YWHAH: variants seen among roughly 807,000 people sequenced by gnomAD.
The protein encoded by YWHAH is 14-3-3 protein eta.
Under a neutral mutation model 22.9 loss-of-function variants are expected in YWHAH, and 6 were observed. The ratio of observed to expected loss-of-function variants is 0.26; its 90% CI spans 0.14 to 0.52. The LOEUF (loss-of-function observed/expected upper bound fraction) is 0.52, where lower values mean the gene tolerates loss of function less well. YWHAH is among the 20% of genes least tolerant of loss of function. The pLI is 0.97. For missense variants in YWHAH, 173 were observed against 308.6 expected, an observed-to-expected ratio of 0.56 and a Z score of 3.29; for synonymous variants, 135 against 124.5, an observed-to-expected ratio of 1.08 and a Z score of -0.56.
intron 1 of YWHAH, 178 bp downstream of exon 1, chr22:31,944,998 C>G: frequency 8.9e-7 from 1 of 1,119,762 alleles, no homozygotes; most frequent in Non-Finnish European, 1.1e-6. Context: ...CCCGCCACTT[C>G]CTGAGGCTGG....
chr22:31,949,513 T>TGG (rs779453825), intron 1 of YWHAH, among the ~76,000 whole-genome samples: 1 of 148,726 alleles, frequency 6.7e-6, no homozygotes, highest in Non-Finnish European at 1.5e-5. Flanking sequence ...TTTTTTTTGG[T>TGG]GGGGGGGGGA....
chr22:31,946,664 G>T (rs748920124), intron 1 of YWHAH, among the ~76,000 whole-genome samples: 3 of 152,190 alleles, frequency 2.0e-5, no homozygotes, highest in Non-Finnish European at 4.4e-5. Context: ...GAAACCTGAG[G>T]CAACTTGAAA....
chr22:31,945,899 T>A (rs912526662), intron 1 of YWHAH, among the ~76,000 whole-genome samples: 2 of 152,210 alleles, frequency 1.3e-5, no homozygotes, highest in Non-Finnish European at 1.5e-5. Context: ...TGAGAATTAC[T>A]GCCCATGATT....
rs1261901247 is a variant in YWHAH, at chr22:31,944,561, G to A, written c.-173G>A. 3.6e-6 allele frequency: 1 copy of A among 280,274 alleles called. No individual in the cohort carries two copies. The highest frequency in any genetic ancestry group is 5.7e-6 in the Non-Finnish European group (1 of 174,800). 17.4% of individuals were successfully genotyped at this position (280,274 alleles called of 1,614,324 possible). ...CAGCGCGCGGGGCGAGCCAGCGAGA[G>A]GGCGCGAGCGGCGGCGCTGCCTGCA... On this transcript the variant is annotated 5_prime_UTR_variant, in exon 1 of 2. Transcript: ENST00000248975.
rs1237573215 is a variant in YWHAH at position 31,957,294 on chromosome 22, A to G, written c.*502A>G. On this transcript the variant is annotated 3_prime_UTR_variant, in exon 2 of 2. Transcript: ENST00000248975. ...TGCTCCTTTCCATCAGCTTTATAAT[A>G]AACTGTTTAACGTGAGGTTTCAGTA... The G allele has an allele frequency of 6.5e-6, 1 of 154,426 alleles. No individual in the cohort carries two copies. Among genetic ancestry groups the G allele is most frequent in the African/African-American group, 2.4e-5 (1 of 41,438 alleles). 9.6% of individuals were successfully genotyped at this position (154,426 alleles called of 1,614,324 possible).
chr22:31,948,565 G>A (rs1348302624), intron 1 of YWHAH, among the ~76,000 whole-genome samples: 1 of 152,000 alleles, frequency 6.6e-6, no homozygotes, highest in African/African-American at 2.4e-5. Context: ...TGTATAGACA[G>A]GATCTCTATA....
rs1209062826 is a variant in YWHAH, at chr22:31,945,299, G to C, written c.87+479G>C. On this transcript the variant is annotated intron_variant, in intron 1 of 1. Coordinates refer to ENST00000248975, the MANE Select transcript of YWHAH (RefSeq NM_003405.4). ...GACCTGAAGTCTGCAATTCCGATCT[G>C]TTTTGCTCTGCTCGTTCGAATTGTT... is the stretch of plus-strand genomic sequence containing the variant. 44 of 1,201,664 alleles carry C rather than the reference G, an allele frequency of 3.7e-5. 1 individual carries two copies. The South Asian group carries it at 6.3e-4, about 17-fold the overall frequency. The allele number at this position is 1,201,664 out of a possible 1,614,324, so 74.4% of individuals were successfully genotyped here.
chr22:31,948,420 G>A (rs573178507), intron 1 of YWHAH, among the ~76,000 whole-genome samples: 5 of 151,022 alleles, frequency 3.3e-5, no homozygotes, highest in Admixed American at 1.3e-4. Flanking sequence ...AGATGGTCTC[G>A]TTCTGGAACC....
intron 1 of YWHAH, among the ~76,000 whole-genome samples, chr22:31,954,604 G>A (rs1470552997): frequency 6.6e-6 from 1 of 152,056 alleles, no homozygotes; most frequent in Non-Finnish European, 1.5e-5. Context: ...GGTGTAGGCA[G>A]GCCACGCTCC....
intron 1 of YWHAH, chr22:31,947,373 C>T: frequency 4.3e-6 from 2 of 465,070 alleles, no homozygotes; most frequent in Non-Finnish European, 9.0e-6. Context: ...TGCCTTCAGT[C>T]TTCTAACTTG....
chr22:31,945,210 C>T, intron 1 of YWHAH: 1 of 1,117,430 alleles, frequency 8.9e-7, no homozygotes, highest in South Asian at 2.2e-5. Context: ...TCCTCCGTTC[C>T]CCAACTTGGA....
At chr22:31,955,238 G>A (rs991639174) in intron 1 of YWHAH, among the ~76,000 whole-genome samples, 2 of 152,076 alleles carry the variant, frequency 1.3e-5, no homozygotes, top group African/African-American at 4.8e-5. Flanking sequence ...TCCATGTGTA[G>A]CCACACAGGG....
chr22:31,954,907 C>G, intron 1 of YWHAH, among the ~76,000 whole-genome samples: 1 of 152,346 alleles, frequency 6.6e-6, no homozygotes, highest in South Asian at 2.1e-4. Context: ...GTCAGAACTT[C>G]AGCGTATCTT....
At chr22:31,945,681 AAATG>A (rs201521027) in intron 1 of YWHAH, 81,695 of 1,258,444 alleles carry the variant, frequency 0.065, 3,005 homozygotes, top group Non-Finnish European at 0.075. Flanking sequence ...CGTTTTCTGT[AAATG>A]AATATTTCCT....
intron 1 of YWHAH, chr22:31,945,066 G>C (rs13056004): frequency 9.2e-5 from 102 of 1,104,796 alleles, no homozygotes; most frequent in Non-Finnish European, 1.1e-4. Flanking sequence ...AGCCCCGGAA[G>C]GGGGGCGGGC....
intron 1 of YWHAH, among the ~76,000 whole-genome samples, chr22:31,947,906 A>G (rs367558475): frequency 3.9e-5 from 6 of 152,374 alleles, no homozygotes; most frequent in East Asian, 3.9e-4. Context: ...GCCCTAAGTC[A>G]TCTATTTTAT....
At chr22:31,947,419 A>G (rs1035456460) in intron 1 of YWHAH, 8 of 471,108 alleles carry the variant, frequency 1.7e-5, no homozygotes, top group Admixed American at 4.7e-5. Context: ...TGCTCACTTG[A>G]TAATACTGCC....
chr22:31,949,517 G>T (rs915262884), intron 1 of YWHAH, among the ~76,000 whole-genome samples: 2 of 151,474 alleles, frequency 1.3e-5, no homozygotes, highest in African/African-American at 4.9e-5. Context: ...TTTTGGTGGG[G>T]GGGGGAGTCA....
chr22:31,945,405 G>A, intron 1 of YWHAH: 1 of 1,300,658 alleles, frequency 7.7e-7, no homozygotes, highest in Non-Finnish European at 1.0e-6. Flanking sequence ...GGACGGGGGC[G>A]GGAGAGTGGG....
Sources: allele counts gnomAD v4.1 joint callset (sites outside exome capture counted in the v4.1 genomes callset), GRCh38; gene constraint gnomAD v4.1.1; transcripts MANE v1.5; gene names NCBI Gene and HGNC (gene_info 2026-07-23, HGNC 2026-07-21).